CNKSR2: variants seen among roughly 807,000 people sequenced by gnomAD.
The protein encoded by CNKSR2 is CNK homolog protein 2.
Under a neutral mutation model 84.4 loss-of-function variants are expected in CNKSR2, and 14 were observed. The observed-to-expected ratio is 0.17, with a 90% CI of 0.11 to 0.26. CNKSR2 has a LOEUF of 0.26. Ranked by LOEUF, CNKSR2 falls within the 10% of genes least tolerant of loss-of-function variation. The pLI, the probability that CNKSR2 is intolerant of heterozygous loss-of-function variation, is 1.00. For synonymous variants in CNKSR2, 275 were observed against 277.9 expected (o/e 0.99, Z 0.10); for missense variants, 485 against 771.2 (o/e 0.63, Z 4.40).
At chrX:21,489,486 A>T (rs2091420932) in intron 5 of CNKSR2, among the ~76,000 whole-genome samples, 1 of 111,599 alleles carries the variant, frequency 9.0e-6, no homozygotes. Context: ...ATCAGGCTTC[A>T]GTAAATACAA....
intron 20 of CNKSR2, among the ~76,000 whole-genome samples, chrX:21,638,714 T>C (rs181436297): frequency 8.3e-4 from 93 of 112,436 alleles, no homozygotes; most frequent in African/African-American, 2.8e-3. Context: ...CATTTCAAAA[T>C]GTAATTGGCT....
chrX:21,494,837 C>T (rs772430946), intron 6 of CNKSR2: 3 of 111,682 alleles, frequency 2.7e-5, no homozygotes, highest in Admixed American at 1.9e-4. Flanking sequence ...CCTAGCTGTG[C>T]TTGAATGAGC....
chrX:21,419,761 T>C lies in CNKSR2; in HGVS notation c.65-6736T>C, dbSNP rs148611131. On this transcript the variant is annotated intron_variant, in intron 1 of 21. Transcript: ENST00000379510. ...CTCCCAAATAAACAGTCTCTCACTC[T>C]GTTGTGAGCCACCTGAAGCTGTGGG... Among the ~76,000 whole-genome samples, 3 of 112,403 alleles carry C rather than the reference T, an allele frequency of 2.7e-5. No homozygotes were observed. In the East Asian group the frequency reaches 8.5e-4, roughly 32 times the overall value.
chrX:21,543,609 A>G (rs1162997486), intron 11 of CNKSR2, among the ~76,000 whole-genome samples: 1 of 111,976 alleles, frequency 8.9e-6, no homozygotes, highest in East Asian at 2.8e-4. Context: ...GAAATGGAAG[A>G]GCATGAATTA....
At chrX:21,651,558 A>G (rs1368847879) in intron 21 of CNKSR2, among the ~76,000 whole-genome samples, 1 of 111,723 alleles carries the variant, frequency 9.0e-6, no homozygotes, top group East Asian at 2.8e-4. Context: ...CTTCCTGCAG[A>G]ACATTTTCTA....
At chrX:21,648,515 C>A (rs910789053) in intron 20 of CNKSR2, among the ~76,000 whole-genome samples, 4 of 110,960 alleles carry the variant, frequency 3.6e-5, no homozygotes, top group Non-Finnish European at 7.6e-5. Flanking sequence ...TTGCTGGACT[C>A]AAGATATATA....
At chrX:21,569,177 A>C (rs978782184) in intron 13 of CNKSR2, among the ~76,000 whole-genome samples, 6 of 111,620 alleles carry the variant, frequency 5.4e-5, no homozygotes, top group African/African-American at 2.0e-4. Context: ...AATATTGCTA[A>C]AATATGCTAA....
At chrX:21,433,667 C>G in intron 3 of CNKSR2, among the ~76,000 whole-genome samples, 1 of 107,795 alleles carries the variant, frequency 9.3e-6, no homozygotes, top group African/African-American at 3.4e-5. Flanking sequence ...CACACACACA[C>G]ACACACACAC....
intron 3 of CNKSR2, 76 bp downstream of exon 3, chrX:21,432,890 T>C: frequency 1.9e-6 from 2 of 1,049,156 alleles, no homozygotes; most frequent in Non-Finnish European, 1.3e-6. Flanking sequence ...TTGCATTTTG[T>C]TGTGAAAGGA....
Position 21,497,824 on chromosome X carries a change from TA to T in CNKSR2, c.721del (p.Ile241LeufsTer22). On this transcript the variant is annotated frameshift_variant, in exon 7 of 22. Transcript: ENST00000379510. LOFTEE classifies it high-confidence loss of function. ...YIKSTYDGLH[V>X]ITGTTENSPA... ...AAATCTACATATGATGGCCTCCATG[TA>T]ATTACTGGAACCACAGAAAATGTAA... 2 of 941,962 alleles carry T rather than the reference TA, an allele frequency of 2.1e-6. No individual in the cohort carries two copies. The highest frequency in any genetic ancestry group is 3.1e-6 in the Non-Finnish European group (2 of 649,840). 77.6% of individuals were successfully genotyped at this position (941,962 alleles called of 1,213,427 possible). A position where few individuals can be genotyped will look rare whatever the true frequency, so the allele number is the denominator to read the frequency against.
At chrX:21,437,481 G>A (rs1185341029) in intron 3 of CNKSR2, among the ~76,000 whole-genome samples, 1 of 99,514 alleles carries the variant, frequency 1.0e-5, no homozygotes, top group Non-Finnish European at 2.0e-5. Context: ...GTGCAGTGGC[G>A]TGATCTCGGC....
chrX:21,430,719 CAGTT>C (rs990771476), intron 2 of CNKSR2, among the ~76,000 whole-genome samples: 4 of 111,796 alleles, frequency 3.6e-5, no homozygotes, highest in African/African-American at 1.3e-4. Flanking sequence ...ATATCATTTA[CAGTT>C]AGTTTGTATA....
intron 6 of CNKSR2, among the ~76,000 whole-genome samples, chrX:21,496,873 G>A (rs184670772): frequency 2.6e-4 from 29 of 110,881 alleles, no homozygotes; most frequent in African/African-American, 8.5e-4. Flanking sequence ...GGTAAAATTT[G>A]GGTAGTTTTT....
chrX:21,464,302 C>A (rs2147130440), intron 4 of CNKSR2, among the ~76,000 whole-genome samples: 1 of 112,043 alleles, frequency 8.9e-6, no homozygotes, highest in South Asian at 3.7e-4. Context: ...TGCACAGAAA[C>A]ACTCTCATCA....
In CNKSR2 at chrX:21,653,116, T is replaced by A. The variant is rs917979089; in HGVS notation, c.*595T>A. The A allele has an allele frequency of 1.5e-4, 17 of 111,866 alleles. No homozygotes were observed. The highest frequency in any genetic ancestry group is 5.2e-4 in the African/African-American group (16 of 30,896). The allele number at this position is 111,866 out of a possible 1,213,427, so 9.2% of individuals were successfully genotyped here. On this transcript the variant is annotated 3_prime_UTR_variant, in exon 22 of 22. Coordinates refer to ENST00000379510, the MANE Select transcript of CNKSR2 (RefSeq NM_014927.5). ...ATATTCGTCTTAATAGTCTATTAAC[T>A]TGTGAAAGCTAAGTTAATGGAAATA...
chrX:21,451,836 C>T (rs2090935144), intron 4 of CNKSR2, among the ~76,000 whole-genome samples: 1 of 109,701 alleles, frequency 9.1e-6, no homozygotes, highest in Non-Finnish European at 1.9e-5. Context: ...TACCCTAAAA[C>T]TTAAAGTATA....
At chrX:21,384,140 A>G (rs189536777) in intron 1 of CNKSR2, among the ~76,000 whole-genome samples, 1 of 112,074 alleles carries the variant, frequency 8.9e-6, no homozygotes, top group Non-Finnish European at 1.9e-5. Flanking sequence ...TTTGCTCATG[A>G]TGCTCAAAAC....
At chrX:21,513,953 C>T (rs763792539) in intron 8 of CNKSR2, among the ~76,000 whole-genome samples, 2 of 111,614 alleles carry the variant, frequency 1.8e-5, no homozygotes, top group South Asian at 7.5e-4. Context: ...AGAAGAGTAA[C>T]TCATGCTTAT....
At chrX:21,531,797 G>A (rs759898443) in intron 10 of CNKSR2, 59 bp from the exon 11 acceptor site, 47 of 771,538 alleles carry the variant, frequency 6.1e-5, no homozygotes, top group Non-Finnish European at 8.5e-5. Context: ...TTAGACCCTC[G>A]GCCATTTACT....
Sources: gnomAD v4.1 joint callset for allele counts (sites outside exome capture counted in the v4.1 genomes callset) on GRCh38, gnomAD v4.1.1 for gene constraint, MANE v1.5 for transcripts, NCBI Gene and HGNC (gene_info 2026-07-23, HGNC 2026-07-21) for gene names.